The following SPTB variants were observed in gnomAD, a reference collection of about 807,000 sequenced individuals.
SPTB encodes the protein spectrin beta chain, erythrocytic.
Under a neutral mutation model 256.2 loss-of-function variants are expected in SPTB, and 45 were observed. The observed-to-expected ratio is 0.18, with a 90% CI of 0.14 to 0.23. SPTB has a LOEUF of 0.23. Ranked by LOEUF, SPTB falls within the 10% of genes least tolerant of loss-of-function variation. The pLI is 1.00. For synonymous variants in SPTB, 1,231 were observed against 1,243.1 expected (o/e 0.99, Z 0.21); for missense variants, 2,715 against 3,040.4 (o/e 0.89, Z 2.52).
rs1386818739 is a variant in SPTB, at chr14:64,806,571, T to C, written c.149-1481A>G. 6.6e-6 allele frequency among the ~76,000 whole-genome samples: 1 copy of C among 152,266 alleles called. No homozygotes were observed. Among genetic ancestry groups the C allele is most frequent in the Non-Finnish European group, 1.5e-5 (1 of 68,044 alleles). ...CAGTTCTGCCTCAAGGGTAGAATCC[T>C]GGCAGTTCCTGAGGCTTGCTGCATC... On this transcript the variant is annotated intron_variant, in intron 2 of 35. Coordinates refer to ENST00000644917, the MANE Select transcript of SPTB (RefSeq NM_001355436.2). The surrounding 1 kb of genome is among the most constrained non-coding windows in gnomAD (Gnocchi z 4.1).
intron 2 of SPTB, among the ~76,000 whole-genome samples, chr14:64,811,261 C>A (rs995164810): frequency 6.6e-6 from 1 of 152,074 alleles, no homozygotes; most frequent in Non-Finnish European, 1.5e-5. Context: ...GTAATGTGAA[C>A]AAAGAGTTAA....
At position 64,774,461 on chromosome 14, in the gene SPTB, C is replaced by T. The variant is rs1227874792; in HGVS notation, c.4909G>A (p.Gly1637Ser). 1.3e-6 allele frequency: 2 copies of T among 1,562,852 alleles called. No homozygotes were observed. The highest frequency in any genetic ancestry group is 1.2e-5 in the South Asian group (1 of 85,012). The change falls in exon 24 of 36, where the codon GGC (glycine) becomes AGC (serine). Residue 1637 changes from glycine (G) to serine (S), a missense_variant. Coordinates refer to ENST00000644917, the MANE Select transcript of SPTB (RefSeq NM_001355436.2). The stretch of plus-strand genomic sequence containing the variant: ...CTGGCCAGCTGCTTGATGTTCCGGC[C>T]GTAGTCCTCCACCGCACGCTGCTGC... ...LRQQRAVEDY[G>S]RNIKQLASRA... is the part of the protein sequence containing the mutation.
At chr14:64,794,883 C>T (rs1016682047) in intron 12 of SPTB, among the ~76,000 whole-genome samples, 2 of 152,174 alleles carry the variant, frequency 1.3e-5, no homozygotes, top group African/African-American at 2.4e-5. Context: ...TGGGGCCTGG[C>T]CATGTGTATT....
chr14:64,816,450 A>G lies in SPTB; in HGVS notation c.148+6497T>C. Among the ~76,000 whole-genome samples, 1 of 152,110 alleles carries G rather than the reference A, an allele frequency of 6.6e-6. No homozygotes were observed. The highest frequency in any genetic ancestry group is 1.9e-4 in the East Asian group (1 of 5,196). ...TGCCTGCCCTCCTATCACCACCACCAACCCTGCACTCTGACTCAAACATGC... is the reference window on the plus strand; with the variant it reads ...TGCCTGCCCTCCTATCACCACCACCGACCCTGCACTCTGACTCAAACATGC... On this transcript the variant is annotated intron_variant, in intron 2 of 35. Coordinates refer to ENST00000644917, the MANE Select transcript of SPTB (RefSeq NM_001355436.2). This position sits in a 1 kb window ranked among gnomAD's most constrained non-coding sequence, Gnocchi z 4.2.
Position 64,764,445 on chromosome 14 carries a change from C to T in SPTB, c.6345+2281G>A, listed in dbSNP as rs1038102469. Among the ~76,000 whole-genome samples, 2 of 152,174 alleles carry T rather than the reference C, an allele frequency of 1.3e-5. No homozygotes were observed. The highest frequency in any genetic ancestry group is 1.9e-4 in the East Asian group (1 of 5,184). ...TTTGAGTCACCATCTGGTTTCTTTCCGGTACCGGGCACAAGCCAGTCTTCC... is the reference window on the plus strand; with the variant it reads ...TTTGAGTCACCATCTGGTTTCTTTCTGGTACCGGGCACAAGCCAGTCTTCC... On this transcript the variant is annotated intron_variant, in intron 32 of 35. Transcript: ENST00000644917. This position sits in a 1 kb window ranked among gnomAD's most constrained non-coding sequence, Gnocchi z 4.2.
Position 64,793,036 on chromosome 14 carries a change from A to G in SPTB, c.2627T>C (p.Met876Thr). 3 of 1,613,924 alleles carry G rather than the reference A, an allele frequency of 1.9e-6. No homozygotes were observed. The highest frequency in any genetic ancestry group is 2.5e-6 in the Non-Finnish European group (3 of 1,180,010). The change falls in exon 14 of 36, where the codon ATG (methionine) becomes ACG (threonine). Residue 876 changes from methionine (M) to threonine (T), a missense_variant. Around this residue, in one of 4 missense-constraint regions of SPTB, gnomAD observed 2,239 missense variants for 2,384.4 expected, o/e 0.94. Coordinates refer to ENST00000644917, the MANE Select transcript of SPTB (RefSeq NM_001355436.2). The surrounding 1 kb of genome is among the most constrained non-coding windows in gnomAD (Gnocchi z 7.0). ...EKEKWLAEME[M>T]PDTLEDLEVV... ...CTCCAGGTCCTCCAGGGTGTCTGGC[A>G]TTTCCATCTCGGCCAGCCACTTCTC...
chr14:64,865,811 C>T (rs1432746113), intron 1 of SPTB, among the ~76,000 whole-genome samples: 17 of 152,196 alleles, frequency 1.1e-4, no homozygotes, highest in Admixed American at 1.1e-3. Flanking sequence ...AGAGCAGCTG[C>T]TTTGATTCTA....
Position 64,753,468 on chromosome 14 carries a change from C to T in SPTB, c.6602+69G>A, listed in dbSNP as rs1037844513. The T allele has an allele frequency of 1.1e-5, 18 of 1,608,410 alleles. No individual in the cohort carries two copies. The South Asian group carries it at 2.0e-4, about 18-fold the overall frequency. On this transcript the variant is annotated intron_variant, in intron 33 of 35. Transcript: ENST00000644917. ...CCAGCACATGCCCATGTCACCAAGG[C>T]TCTGCTAGCAGAGAGATCCCTGAGA...
At position 64,799,762 on chromosome 14, in the gene SPTB, A is replaced by G; in HGVS notation, c.1049T>C (p.Val350Ala). The G allele has an allele frequency of 6.2e-7, 1 of 1,614,126 alleles. No homozygotes were observed. Among genetic ancestry groups the G allele is most frequent in the Non-Finnish European group, 8.5e-7 (1 of 1,180,030 alleles). The change falls in exon 9 of 36, where the codon GTG (valine) becomes GCG (alanine). Residue 350 changes from valine to alanine, a missense_variant. Val to Ala is a moderately conservative substitution (Grantham distance 64). Around this residue, in one of 4 missense-constraint regions of SPTB, gnomAD observed 416 missense variants for 571.1 expected, o/e 0.73. Transcript: ENST00000644917. ...GGGCCCTTACTTGGGCGGCTTCTCC[A>G]CGGTGCGGTAGGTGCTGAAGGCCTG... Reference protein sequence around the residue: ...QLQAFSTYRTVEKPPKFQEKG... With the variant: ...QLQAFSTYRTAEKPPKFQEKG...
Position 64,827,294 on chromosome 14 carries a change from T to C in SPTB, c.-51-4149A>G, listed in dbSNP as rs529887765. On this transcript the variant is annotated intron_variant, in intron 1 of 35. Transcript: ENST00000644917. This position sits in a 1 kb window ranked among gnomAD's most constrained non-coding sequence, Gnocchi z 4.6. ...AGTGAGAAGCAACAAAGCACAAAGATCTACTTCCGAAGTGGGAAACCGGGG... is the reference window on the plus strand; with the variant it reads ...AGTGAGAAGCAACAAAGCACAAAGACCTACTTCCGAAGTGGGAAACCGGGG... Among the ~76,000 whole-genome samples, 15 of 152,290 alleles carry C rather than the reference T, an allele frequency of 9.8e-5. No individual in the cohort carries two copies. The South Asian group carries it at 2.9e-3, about 30-fold the overall frequency.
Position 64,866,694 on chromosome 14 carries a change from C to T in SPTB, c.-52+13098G>A, listed in dbSNP as rs1594857534. On this transcript the variant is annotated intron_variant, in intron 1 of 35. Coordinates refer to ENST00000644917, the MANE Select transcript of SPTB (RefSeq NM_001355436.2). The surrounding 1 kb of genome is among the most constrained non-coding windows in gnomAD (Gnocchi z 4.6). ...CAAGCAGAATTCGGGTGAGTCCAGCCGTTGGTGAGGCTCACTTTTTGTCCG... is the reference window on the plus strand; with the variant it reads ...CAAGCAGAATTCGGGTGAGTCCAGCTGTTGGTGAGGCTCACTTTTTGTCCG... Among the ~76,000 whole-genome samples, 1 of 152,002 alleles carries T rather than the reference C, an allele frequency of 6.6e-6. No homozygotes were observed. Among genetic ancestry groups the T allele is most frequent in the Non-Finnish European group, 1.5e-5 (1 of 68,018 alleles).
intron 1 of SPTB, among the ~76,000 whole-genome samples, chr14:64,833,317 G>C (rs907628927): frequency 6.6e-6 from 1 of 152,310 alleles, no homozygotes; most frequent in Admixed American, 6.5e-5. Context: ...TTGGGAGTCC[G>C]AAGCGGGTGG....
rs148127231 is a variant in SPTB at position 64,779,822 on chromosome 14, C to T, written c.4376G>A (p.Arg1459Gln). ...GGDADLSIEK[R>Q]FLDLLEPLGR... is the part of the protein sequence containing the mutation. ...TAGGGGTTCCAGGAGGTCCAGGAAC[C>T]GCTTCTCGATGCTCAAGTCTGCATC... The change falls in exon 21 of 36, where the codon CGG (arginine) becomes CAG (glutamine). Residue 1459 changes from arginine to glutamine, a missense_variant. Arg to Gln is a conservative substitution (Grantham distance 43). Transcript: ENST00000644917. This position sits in a 1 kb window ranked among gnomAD's most constrained non-coding sequence, Gnocchi z 4.2. 34 of 1,614,074 alleles carry T rather than the reference C, an allele frequency of 2.1e-5. No individual in the cohort carries two copies. Among genetic ancestry groups the T allele is most frequent in the Middle Eastern group, 1.6e-4 (1 of 6,062 alleles).
rs1251015642 is a variant in SPTB at position 64,802,092 on chromosome 14, A to G, written c.566+134T>C. The G allele has an allele frequency of 1.0e-6, 1 of 962,074 alleles. No individual in the cohort carries two copies. Among genetic ancestry groups the G allele is most frequent in the Non-Finnish European group, 1.6e-6 (1 of 609,002 alleles). The allele number at this position is 962,074 out of a possible 1,614,324, so 59.6% of individuals were successfully genotyped here. ...AGGCCTCAAAGAATCAGGTCAGGAC[A>G]GACTTTGCATCAATTACAGGGAGGC... On this transcript the variant is annotated intron_variant, in intron 5 of 35. Transcript: ENST00000644917. The surrounding 1 kb of genome is among the most constrained non-coding windows in gnomAD (Gnocchi z 5.1).
rs374078933 is a variant in SPTB, at chr14:64,785,709, G to T, written c.3764+40C>A. The T allele has an allele frequency of 4.2e-5, 67 of 1,613,176 alleles. No homozygotes were observed. The highest frequency in any genetic ancestry group is 5.5e-5 in the Non-Finnish European group (65 of 1,179,262). ...AGCTTGGGGTCCTCACTACCCCCGT[G>T]TGGCTCTGGGGGCCTCGTGGCCCTG... On this transcript the variant is annotated intron_variant, in intron 17 of 35. Coordinates refer to ENST00000644917, the MANE Select transcript of SPTB (RefSeq NM_001355436.2). This position sits in a 1 kb window ranked among gnomAD's most constrained non-coding sequence, Gnocchi z 4.4.
In SPTB at chr14:64,800,759, G is replaced by C. The variant is rs747235960; in HGVS notation, c.873C>G (p.Gly291=). Residue 291 remains glycine (G), a synonymous_variant, in exon 8 of 36, where the codon GGC becomes GGG. Transcript: ENST00000644917. Reference sequence around the variant, plus strand: ...TTGGTTCCAAAACAGCTTGTACCTTGCCGACACGCTTGCCCTCCACTGCCA... The same window carrying C: ...TTGGTTCCAAAACAGCTTGTACCTTCCCGACACGCTTGCCCTCCACTGCCA... ...KVLAVEGKRV[G]KVIDHAIETE... 1 of 1,613,958 alleles carries C rather than the reference G, an allele frequency of 6.2e-7. No individual in the cohort carries two copies. Among genetic ancestry groups the C allele is most frequent in the Non-Finnish European group, 8.5e-7 (1 of 1,179,808 alleles).
intron 4 of SPTB, among the ~76,000 whole-genome samples, chr14:64,803,352 C>T (rs1464306199): frequency 6.6e-6 from 1 of 152,054 alleles, no homozygotes; most frequent in African/African-American, 2.4e-5. Flanking sequence ...AGATATCAAC[C>T]CAGCTACCAA....
chr14:64,818,493 A>G (rs1001300757), intron 2 of SPTB, among the ~76,000 whole-genome samples: 7 of 151,724 alleles, frequency 4.6e-5, no homozygotes, highest in Non-Finnish European at 1.0e-4. Context: ...GGGTTCCTCC[A>G]CTCCCTGCTC....
intron 3 of SPTB, 21 bp downstream of exon 3, chr14:64,804,918 G>A: frequency 6.2e-7 from 1 of 1,613,618 alleles, no homozygotes; most frequent in Non-Finnish European, 8.5e-7. Context: ...GCAGCCCCGG[G>A]GCCCACAGAA....
Sources: allele counts gnomAD v4.1 joint callset (sites outside exome capture counted in the v4.1 genomes callset), GRCh38; gene constraint gnomAD v4.1.1; regional missense constraint gnomAD v4.1.1; non-coding constraint Gnocchi (gnomAD v3.1); transcripts MANE v1.5; gene names NCBI Gene and HGNC (gene_info 2026-07-23, HGNC 2026-07-21).